CLVS1: variants seen among roughly 807,000 people sequenced by gnomAD.
CLVS1 encodes the protein clavesin 1.
In CLVS1, 10 loss-of-function variants were observed where a neutral mutation model predicts 33.1. The ratio of observed to expected loss-of-function variants is 0.30; its 90% CI spans 0.19 to 0.51. The LOEUF (loss-of-function observed/expected upper bound fraction) is 0.51. Ranked by LOEUF, CLVS1 falls within the 20% of genes least tolerant of loss-of-function variation. The pLI is 0.97. For missense variants in CLVS1, 343 were observed against 433.4 expected (o/e 0.79, Z 1.85); for synonymous variants, 163 against 166.1 (o/e 0.98, Z 0.14).
intron 1 of CLVS1, among the ~76,000 whole-genome samples, chr8:61,066,313 T>C (rs886340345): frequency 2.0e-5 from 3 of 152,146 alleles, no homozygotes; most frequent in Non-Finnish European, 4.4e-5. Flanking sequence ...CCGGGCAACA[T>C]GGTGAAACCC....
the CLVS1 span, among the ~76,000 whole-genome samples, chr8:61,046,535 G>T: frequency 6.9e-6 from 1 of 145,350 alleles, no homozygotes; most frequent in Non-Finnish European, 1.5e-5. Context: ...GAAAGTCATT[G>T]GTAGCTTGAT....
At chr8:61,115,263 T>A (rs1006358867) in intron 1 of CLVS1, among the ~76,000 whole-genome samples, 1 of 152,204 alleles carries the variant, frequency 6.6e-6, no homozygotes, top group African/African-American at 2.4e-5. Context: ...TGAAACAAAA[T>A]GAGATATTGT....
the CLVS1 span, among the ~76,000 whole-genome samples, chr8:60,973,736 T>C: frequency 6.6e-6 from 1 of 152,210 alleles, no homozygotes; most frequent in Non-Finnish European, 1.5e-5. Context: ...GAAGGACATA[T>C]ACCAGTTAAA....
At chr8:61,105,495 G>T (rs182227921) in intron 1 of CLVS1, among the ~76,000 whole-genome samples, 21 of 152,260 alleles carry the variant, frequency 1.4e-4, no homozygotes, top group African/African-American at 5.1e-4. Context: ...AAGCATTAAT[G>T]ATTCTCAGCT....
At chr8:61,454,383 G>A in intron 4 of CLVS1, 132 bp downstream of exon 4, 2 of 715,500 alleles carry the variant, frequency 2.8e-6, no homozygotes, top group South Asian at 1.7e-5. Context: ...TTTTTCTACA[G>A]CCCCTAAGCA....
chr8:61,494,779 A>G (rs1804211326), intron 5 of CLVS1, among the ~76,000 whole-genome samples: 1 of 152,208 alleles, frequency 6.6e-6, no homozygotes, highest in Non-Finnish European at 1.5e-5. Context: ...GGTTTTGAAA[A>G]GCAACATTTA....
At chr8:61,487,982 G>A (rs1170459866) in intron 5 of CLVS1, among the ~76,000 whole-genome samples, 1 of 152,142 alleles carries the variant, frequency 6.6e-6, no homozygotes, top group African/African-American at 2.4e-5. Flanking sequence ...CAGCTTTAGA[G>A]GGAGTATGAT....
At chr8:61,045,756 G>A in the CLVS1 span, among the ~76,000 whole-genome samples, 20 of 152,184 alleles carry the variant, frequency 1.3e-4, no homozygotes, top group Non-Finnish European at 2.6e-4. Context: ...CTTGGAGGTG[G>A]CTGCTTCCAT....
intron 5 of CLVS1, among the ~76,000 whole-genome samples, chr8:61,466,740 CG>C (rs1817559422): frequency 6.6e-6 from 1 of 152,092 alleles, no homozygotes; most frequent in Non-Finnish European, 1.5e-5. Context: ...CTCCACCTCC[CG>C]GGTTCAAGTG....
chr8:61,075,079 G>A lies in CLVS1; in HGVS notation c.-243+17849G>A, dbSNP rs111911743. Reference sequence around the variant, plus strand: ...TCTAATCTTTACTTACACCTCTTCCGAAGGCAGCATGCCATCCGTGACCCA... The same window carrying A: ...TCTAATCTTTACTTACACCTCTTCCAAAGGCAGCATGCCATCCGTGACCCA... On this transcript the variant is annotated intron_variant, in intron 1 of 2. Coordinates refer to the CLVS1 transcript ENST00000522621. Among the ~76,000 whole-genome samples, 1,337 of 152,058 alleles carry A rather than the reference G, an allele frequency of 8.8e-3. 16 individuals are homozygous for A. The highest frequency in any genetic ancestry group is 0.03 in the African/African-American group (1,264 of 41,460).
At chr8:61,239,896 C>T (rs146284405) in intron 2 of CLVS1, among the ~76,000 whole-genome samples, 103 of 152,184 alleles carry the variant, frequency 6.8e-4, no homozygotes, top group South Asian at 2.3e-3. Flanking sequence ...AAATAAAGGC[C>T]GTGAGACTCA....
rs574787388 is a variant in CLVS1 at position 61,245,331 on chromosome 8, C to T, written c.-151-54346C>T. Among the ~76,000 whole-genome samples, 302 of 151,824 alleles carry T rather than the reference C, an allele frequency of 2.0e-3. 1 individual carries two copies. Among genetic ancestry groups the T allele is most frequent in the Non-Finnish European group, 3.5e-3 (236 of 67,952 alleles). ...CCGAGTAGCTGGGAACATAGGCATG[C>T]GCCACCATGCCTGGGTAATTTTTTT... On this transcript the variant is annotated intron_variant, in intron 2 of 2. Transcript: ENST00000522621.
At chr8:61,056,684 C>T (rs1311523313), upstream of CLVS1, among the ~76,000 whole-genome samples, 1 of 152,208 alleles carries the variant, frequency 6.6e-6, no homozygotes, top group Non-Finnish European at 1.5e-5. Context: ...TCAAGCCCAC[C>T]ACATTGCAGC....
At chr8:61,030,817 A>G in the CLVS1 span, among the ~76,000 whole-genome samples, 1 of 152,220 alleles carries the variant, frequency 6.6e-6, no homozygotes, top group Non-Finnish European at 1.5e-5. Context: ...GAGGTCAGCC[A>G]CCACGAGGGA....
chr8:61,322,449 G>A (rs1811227695), intron 2 of CLVS1, among the ~76,000 whole-genome samples: 1 of 152,144 alleles, frequency 6.6e-6, no homozygotes, highest in Non-Finnish European at 1.5e-5. Flanking sequence ...TAAGTAACTG[G>A]AATGTCATCT....
At chr8:61,083,887 T>G (rs900770301) in intron 1 of CLVS1, among the ~76,000 whole-genome samples, 2 of 152,092 alleles carry the variant, frequency 1.3e-5, no homozygotes, top group Admixed American at 6.6e-5. Context: ...ATTGATTGGG[T>G]GGGGCGAAAT....
chr8:61,268,262 C>T (rs1468982662), intron 2 of CLVS1, among the ~76,000 whole-genome samples: 4 of 149,228 alleles, frequency 2.7e-5, no homozygotes, highest in Admixed American at 6.8e-5. Context: ...TGAGAATATG[C>T]GGTGTTTGGT....
the CLVS1 span, among the ~76,000 whole-genome samples, chr8:61,038,963 T>A: frequency 6.6e-6 from 1 of 152,212 alleles, no homozygotes; most frequent in Non-Finnish European, 1.5e-5. Context: ...CATTTTTTTT[T>A]ATTAATATGA....
chr8:61,449,979 A>G (rs1816895931), intron 3 of CLVS1, among the ~76,000 whole-genome samples: 1 of 152,230 alleles, frequency 6.6e-6, no homozygotes, highest in African/African-American at 2.4e-5. Context: ...CTTGAAATAC[A>G]CTTGGGACCT....
Sources: allele counts gnomAD v4.1 joint callset (sites outside exome capture counted in the v4.1 genomes callset), GRCh38; gene constraint gnomAD v4.1.1; transcripts MANE v1.5; gene names NCBI Gene and HGNC (gene_info 2026-07-23, HGNC 2026-07-21).